FER: variants seen among roughly 807,000 people sequenced by gnomAD.
FER encodes tyrosine-protein kinase Fer.
A neutral mutation model predicts 111.0 loss-of-function variants in FER; 63 were observed. That is an observed-to-expected ratio of 0.57 (90% CI 0.46 to 0.70). The LOEUF (loss-of-function observed/expected upper bound fraction) is 0.70. Among genes scored for constraint, FER ranks in the 30% least tolerant of loss-of-function variants. FER has a pLI of 0.00. For synonymous variants in FER, 327 were observed against 313.9 expected, an observed-to-expected ratio of 1.04 and a Z score of -0.44; for missense variants, 914 against 954.0, an observed-to-expected ratio of 0.96 and a Z score of 0.55.
intron 17 of FER, among the ~76,000 whole-genome samples, chr5:109,168,253 T>C (rs1756755369): frequency 6.6e-6 from 1 of 152,188 alleles, no homozygotes; most frequent in African/African-American, 2.4e-5. Context: ...GTGAAATATA[T>C]ATTGGTCTTT....
chr5:109,158,931 A>G (rs1224480902), intron 17 of FER, among the ~76,000 whole-genome samples: 1 of 152,214 alleles, frequency 6.6e-6, no homozygotes, highest in African/African-American at 2.4e-5. Flanking sequence ...GTCATTTAAA[A>G]TAATTATTAA....
At chr5:108,854,899 C>A (rs1244428232) in intron 5 of FER, among the ~76,000 whole-genome samples, 1 of 147,970 alleles carries the variant, frequency 6.8e-6, no homozygotes, top group Non-Finnish European at 1.5e-5. Context: ...GCCAAGATTG[C>A]CCCCACTGCA....
intron 5 of FER, among the ~76,000 whole-genome samples, chr5:108,864,107 T>G (rs1314926569): frequency 6.6e-6 from 1 of 152,210 alleles, no homozygotes; most frequent in Non-Finnish European, 1.5e-5. Context: ...TGTTAAAAAC[T>G]TGGACAGTTA....
At chr5:109,094,939 G>T (rs549577895) in intron 16 of FER, among the ~76,000 whole-genome samples, 2 of 152,038 alleles carry the variant, frequency 1.3e-5, no homozygotes, top group Admixed American at 6.6e-5. Context: ...ATCTCTCCTC[G>T]CAGTTTGCAT....
chr5:109,156,980 AGAG>A (rs1211361488), intron 17 of FER, among the ~76,000 whole-genome samples: 2 of 152,096 alleles, frequency 1.3e-5, no homozygotes, highest in African/African-American at 4.8e-5. Context: ...TCCATGGAGA[AGAG>A]GAGGTAGACC....
At chr5:108,868,878 A>C (rs1764334843) in intron 6 of FER, among the ~76,000 whole-genome samples, 1 of 152,136 alleles carries the variant, frequency 6.6e-6, no homozygotes, top group African/African-American at 2.4e-5. Context: ...TGTAGTGGTA[A>C]ATTGATATGA....
intron 9 of FER, among the ~76,000 whole-genome samples, chr5:108,884,473 A>G (rs755179412): frequency 5.3e-5 from 8 of 150,918 alleles, no homozygotes; most frequent in Non-Finnish European, 8.9e-5. Context: ...ACTTCAATAG[A>G]GGAACAGTTC....
intron 5 of FER, among the ~76,000 whole-genome samples, chr5:108,844,996 GTATA>G (rs1178206742): frequency 0.012 from 355 of 29,178 alleles, 1 homozygote; most frequent in Non-Finnish European, 0.017. Flanking sequence ...GTGTGTGTGT[GTATA>G]TATATATATA....
chr5:108,882,838 G>A (rs4358573), intron 8 of FER, among the ~76,000 whole-genome samples: 34,283 of 151,012 alleles, frequency 0.23, 4,063 homozygotes, highest in African/African-American at 0.29. Context: ...GTTTGTGAGC[G>A]CATATTAATT....
intron 3 of FER, 72 bp downstream of exon 3, chr5:108,798,461 A>AG: frequency 8.8e-7 from 1 of 1,140,620 alleles, no homozygotes; most frequent in Non-Finnish European, 1.3e-6. Context: ...AGCTCAAACT[A>AG]TTGAATGAGC....
chr5:108,922,760 C>A (rs1032112014), intron 10 of FER, among the ~76,000 whole-genome samples: 1 of 152,024 alleles, frequency 6.6e-6, no homozygotes, highest in Non-Finnish European at 1.5e-5. Flanking sequence ...GGAGTGAATA[C>A]TGGGAAACTA....
intron 13 of FER, among the ~76,000 whole-genome samples, chr5:108,995,630 G>A (rs143231417): frequency 7.2e-4 from 109 of 152,264 alleles, no homozygotes; most frequent in Non-Finnish European, 1.4e-3. Context: ...ATTCCATGGT[G>A]TATATGTGCC....
chr5:108,897,889 G>C, intron 10 of FER, 41 bp downstream of exon 10: 1 of 1,510,308 alleles, frequency 6.6e-7, no homozygotes, highest in Admixed American at 2.1e-5. Flanking sequence ...TGGAAGAGTA[G>C]TGTCTAGGTA....
chr5:109,133,188 G>C (rs891825392), intron 17 of FER, among the ~76,000 whole-genome samples: 1 of 152,284 alleles, frequency 6.6e-6, no homozygotes, highest in Admixed American at 6.5e-5. Context: ...GAAAGTGACT[G>C]TAGGAGATAA....
intron 14 of FER, among the ~76,000 whole-genome samples, chr5:109,039,313 A>C (rs979664464): frequency 6.6e-6 from 1 of 152,052 alleles, no homozygotes; most frequent in Non-Finnish European, 1.5e-5. Flanking sequence ...ACAAATATTC[A>C]GTCATCCAGT....
At chr5:109,115,862 TCTC>T (rs979318160) in intron 17 of FER, among the ~76,000 whole-genome samples, 3 of 152,178 alleles carry the variant, frequency 2.0e-5, no homozygotes, top group South Asian at 2.1e-4. Context: ...TTCTTACCCC[TCTC>T]CTCCTTTTCT....
chr5:109,017,662 T>C (rs1485706762), intron 13 of FER, among the ~76,000 whole-genome samples: 1 of 151,934 alleles, frequency 6.6e-6, no homozygotes, highest in Non-Finnish European at 1.5e-5. Flanking sequence ...TGTTGACTAG[T>C]TTTGGAGGAT....
chr5:108,798,484 G>C, intron 3 of FER, 95 bp downstream of exon 3: 2 of 906,508 alleles, frequency 2.2e-6, no homozygotes. Flanking sequence ...ACTTAAGTCA[G>C]CATTCTAAAG....
In FER at chr5:109,187,991, ATGTTCCAACC is replaced by A. The variant is rs1381338603; in HGVS notation, c.*417_*426del. Reference sequence around the variant, plus strand: ...ATTGGTAATGCCATGTTTGCAGGACATGTTCCAACCACAGCTGGCTTTCACCTCTGCCAAA... The same window carrying A: ...ATTGGTAATGCCATGTTTGCAGGACAACAGCTGGCTTTCACCTCTGCCAAA... On this transcript the variant is annotated 3_prime_UTR_variant, in exon 20 of 20. Coordinates refer to ENST00000281092, the MANE Select transcript of FER (RefSeq NM_005246.4). 1.2e-5 allele frequency: 2 copies of A among 164,662 alleles called. No homozygotes were observed. Among genetic ancestry groups the A allele is most frequent in the African/African-American group, 2.4e-5 (1 of 41,566 alleles). 10.2% of individuals were successfully genotyped at this position (164,662 alleles called of 1,614,324 possible). A position where few individuals can be genotyped will look rare whatever the true frequency, so the allele number is the denominator to read the frequency against.
Sources: allele counts gnomAD v4.1 joint callset (sites outside exome capture counted in the v4.1 genomes callset), GRCh38; gene constraint gnomAD v4.1.1; transcripts MANE v1.5; gene names NCBI Gene and HGNC (gene_info 2026-07-23, HGNC 2026-07-21).